The following CNKSR3 variants were observed in gnomAD, a reference collection of about 807,000 sequenced individuals.
The protein encoded by CNKSR3 is connector enhancer of kinase suppressor of ras 3.
Under a neutral mutation model 67.7 loss-of-function variants are expected in CNKSR3, and 36 were observed. That is an observed-to-expected ratio of 0.53 (90% CI 0.41 to 0.70). CNKSR3 has a LOEUF of 0.70. CNKSR3 is among the 30% of genes least tolerant of loss of function. CNKSR3 has a pLI of 0.00. For missense variants in CNKSR3, 630 were observed against 695.2 expected (o/e 0.91, Z 1.05); for synonymous variants, 281 against 271.4 (o/e 1.04, Z -0.35).
At chr6:154,502,948 C>A (rs562461173) in intron 1 of CNKSR3, among the ~76,000 whole-genome samples, 1 of 152,118 alleles carries the variant, frequency 6.6e-6, no homozygotes, top group Non-Finnish European at 1.5e-5. Context: ...GGGCCCCTCT[C>A]GCTTCCTCAC....
chr6:154,426,246 A>C (rs1299900990), intron 7 of CNKSR3, among the ~76,000 whole-genome samples: 3 of 152,232 alleles, frequency 2.0e-5, no homozygotes, highest in Non-Finnish European at 4.4e-5. Flanking sequence ...TCTGTTAGCC[A>C]GTGTTACAAT....
intron 6 of CNKSR3, among the ~76,000 whole-genome samples, chr6:154,429,883 C>T (rs1336774757): frequency 2.0e-5 from 3 of 152,130 alleles, no homozygotes; most frequent in South Asian, 2.1e-4. Flanking sequence ...AGGTTAAGTC[C>T]CTCAAGAGCC....
intron 2 of CNKSR3, among the ~76,000 whole-genome samples, chr6:154,448,022 C>G (rs963383686): frequency 6.6e-6 from 1 of 151,796 alleles, no homozygotes; most frequent in African/African-American, 2.4e-5. Flanking sequence ...CCTAAGTGAC[C>G]CCCCCTGTCC....
At chr6:154,445,509 C>T (rs9479858) in intron 2 of CNKSR3, among the ~76,000 whole-genome samples, 1,893 of 152,282 alleles carry the variant, frequency 0.012, 39 homozygotes, top group African/African-American at 0.043. Context: ...AGCCTGCCAA[C>T]TTACATGAAG....
chr6:154,429,371 C>T (rs11155973), intron 6 of CNKSR3, among the ~76,000 whole-genome samples: 5 of 152,094 alleles, frequency 3.3e-5, no homozygotes, highest in Non-Finnish European at 7.4e-5. Context: ...TACTTTCACT[C>T]GCAGATTATA....
intron 1 of CNKSR3, among the ~76,000 whole-genome samples, chr6:154,509,122 G>T (rs899821748): frequency 5.9e-5 from 9 of 151,936 alleles, no homozygotes; most frequent in African/African-American, 2.2e-4. Context: ...TTGAAACAGA[G>T]ATGTCGTTGG....
chr6:154,442,436 C>T, intron 2 of CNKSR3, 146 bp from the exon 3 acceptor site: 1 of 636,788 alleles, frequency 1.6e-6, no homozygotes, highest in Non-Finnish European at 2.7e-6. Flanking sequence ...TCCTGGCTAA[C>T]ACGGTGAAAC....
At chr6:154,480,806 G>A (rs144904592) in intron 1 of CNKSR3, among the ~76,000 whole-genome samples, 23 of 152,218 alleles carry the variant, frequency 1.5e-4, no homozygotes, top group Admixed American at 6.5e-4. Flanking sequence ...ACCATATCTC[G>A]CAATTACTAT....
In CNKSR3 at chr6:154,396,841, C is replaced by A. The variant is rs1321277473; in HGVS notation, c.*9513G>T. 6.6e-6 allele frequency: 1 copy of A among 151,608 alleles called. No individual in the cohort carries two copies. The highest frequency in any genetic ancestry group is 2.4e-5 in the African/African-American group (1 of 41,268). The allele number at this position is 151,608 out of a possible 1,614,324, so 9.4% of individuals were successfully genotyped here. A position where few individuals can be genotyped will look rare whatever the true frequency, so the allele number is the denominator to read the frequency against. On this transcript the variant is annotated 3_prime_UTR_variant, in exon 13 of 13. Coordinates refer to ENST00000607772, the MANE Select transcript of CNKSR3 (RefSeq NM_173515.4). ...TTGAGACGGAGTCTCGCTCTGTCTC[C>A]CAGGCTGGAGTGCAGTGGCGCAATC...
chr6:154,461,599 A>G (rs1355848729), intron 1 of CNKSR3, among the ~76,000 whole-genome samples: 1 of 152,202 alleles, frequency 6.6e-6, no homozygotes. Context: ...CTCATCTACA[A>G]AATGGAGAGG....
At chr6:154,447,592 C>T (rs1160420175) in intron 2 of CNKSR3, among the ~76,000 whole-genome samples, 3 of 152,204 alleles carry the variant, frequency 2.0e-5, no homozygotes, top group Admixed American at 6.5e-5. Context: ...TGAGCCACTG[C>T]TCACCAGTTT....
intron 1 of CNKSR3, among the ~76,000 whole-genome samples, chr6:154,456,969 G>C (rs139209342): frequency 1.3e-5 from 2 of 152,070 alleles, no homozygotes; most frequent in Non-Finnish European, 2.9e-5. Context: ...CAGGATTTGG[G>C]GGGTACATTT....
chr6:154,465,219 AT>A (rs1246323115), intron 1 of CNKSR3, among the ~76,000 whole-genome samples: 5 of 151,846 alleles, frequency 3.3e-5, no homozygotes, highest in Non-Finnish European at 7.4e-5. Flanking sequence ...GATCTGCAAA[AT>A]TGACAGCTTA....
chr6:154,409,455 C>T (rs565730797), intron 12 of CNKSR3, among the ~76,000 whole-genome samples: 1 of 151,974 alleles, frequency 6.6e-6, no homozygotes, highest in Admixed American at 6.6e-5. Flanking sequence ...CAAATAGTAA[C>T]TGCCTTCTAA....
chr6:154,457,066 C>A (rs1785975449), intron 1 of CNKSR3, among the ~76,000 whole-genome samples: 1 of 152,122 alleles, frequency 6.6e-6, no homozygotes, highest in Admixed American at 6.6e-5. Context: ...CTTAGCCTTC[C>A]CGACTTACTG....
chr6:154,422,055 C>T (rs1584065334), intron 9 of CNKSR3, among the ~76,000 whole-genome samples: 2 of 149,264 alleles, frequency 1.3e-5, no homozygotes, highest in East Asian at 2.0e-4. Flanking sequence ...TGCAATGGCA[C>T]GATCTTGGCT....
Position 154,389,898 on chromosome 6 carries a change from G to C in CNKSR3, c.*16456C>G, listed in dbSNP as rs926095430. 2 of 152,066 alleles carry C rather than the reference G, an allele frequency of 1.3e-5. No homozygotes were observed. The highest frequency in any genetic ancestry group is 2.9e-5 in the Non-Finnish European group (2 of 67,982). The allele number at this position is 152,066 out of a possible 1,614,324, so 9.4% of individuals were successfully genotyped here. A position where few individuals can be genotyped will look rare whatever the true frequency, so the allele number is the denominator to read the frequency against. On this transcript the variant is annotated 3_prime_UTR_variant, in exon 13 of 13. Coordinates refer to ENST00000607772, the MANE Select transcript of CNKSR3 (RefSeq NM_173515.4). The stretch of plus-strand genomic sequence containing the variant: ...CAAAATACTGATGAAATAAATTAAA[G>C]AAGACACAAACAAATGGAAAGACAT...
intron 1 of CNKSR3, among the ~76,000 whole-genome samples, chr6:154,460,508 A>C (rs1786056693): frequency 6.6e-6 from 1 of 152,146 alleles, no homozygotes; most frequent in East Asian, 1.9e-4. Context: ...CCTACGCAAT[A>C]CTCTGGTAAA....
chr6:154,461,359 T>G (rs964072313), intron 1 of CNKSR3, among the ~76,000 whole-genome samples: 2 of 152,222 alleles, frequency 1.3e-5, no homozygotes, highest in Non-Finnish European at 2.9e-5. Context: ...GAGTACTTAC[T>G]ATGTTTTTGG....
Sources: allele counts gnomAD v4.1 joint callset (sites outside exome capture counted in the v4.1 genomes callset), GRCh38; gene constraint gnomAD v4.1.1; transcripts MANE v1.5; gene names NCBI Gene and HGNC (gene_info 2026-07-23, HGNC 2026-07-21).